The following EYA4 variants were observed in gnomAD, a reference collection of about 807,000 sequenced individuals.
EYA4 encodes protein phosphatase EYA4.
A neutral mutation model predicts 87.9 loss-of-function variants in EYA4; 31 were observed. That is an observed-to-expected ratio of 0.35 (90% CI 0.27 to 0.48). The LOEUF (loss-of-function observed/expected upper bound fraction) is 0.48. EYA4 is among the 20% of genes least tolerant of loss of function. EYA4 has a pLI of 0.99. For missense variants in EYA4, 678 were observed against 761.4 expected, an observed-to-expected ratio of 0.89 and a Z score of 1.29; for synonymous variants, 263 against 270.6, an observed-to-expected ratio of 0.97 and a Z score of 0.28.
intron 2 of EYA4, among the ~76,000 whole-genome samples, chr6:133,361,163 T>C (rs927003462): frequency 6.6e-6 from 1 of 152,316 alleles, no homozygotes; most frequent in South Asian, 2.1e-4. Context: ...CCATTGTCGT[T>C]GTCACAGACT....
chr6:133,285,778 G>T (rs184870580), intron 2 of EYA4, among the ~76,000 whole-genome samples: 1 of 152,286 alleles, frequency 6.6e-6, no homozygotes, highest in Non-Finnish European at 1.5e-5. Context: ...AAGATGACTT[G>T]CTAATGTATG....
intron 2 of EYA4, among the ~76,000 whole-genome samples, chr6:133,350,471 C>A (rs1783556247): frequency 6.6e-6 from 1 of 151,968 alleles, no homozygotes; most frequent in Non-Finnish European, 1.5e-5. Flanking sequence ...GAGCACAGAC[C>A]AGTTGGCAAG....
At chr6:133,406,406 ACAT>A (rs1487235301) in intron 3 of EYA4, among the ~76,000 whole-genome samples, 1 of 152,356 alleles carries the variant, frequency 6.6e-6, no homozygotes, top group East Asian at 1.9e-4. Context: ...TGCCAACGGC[ACAT>A]CATATGCAAT....
intron 2 of EYA4, among the ~76,000 whole-genome samples, chr6:133,304,436 T>G (rs573516980): frequency 1.8e-4 from 27 of 152,070 alleles, no homozygotes; most frequent in Non-Finnish European, 3.8e-4. Context: ...ATAGGCAAGC[T>G]AGGGAAATAA....
In EYA4 at chr6:133,328,763, A is replaced by G. The variant is rs867971888; in HGVS notation, c.34-53629A>G. Among the ~76,000 whole-genome samples, 60 of 152,286 alleles carry G rather than the reference A, an allele frequency of 3.9e-4. 1 individual carries two copies. Among genetic ancestry groups the G allele is most frequent in the Middle Eastern group, 3.4e-3 (1 of 294 alleles). ...ATAAAGGGTTGTCTCTCCAAACCCA[A>G]TATTGATAAATTTTTAAATCTTGAA... is the stretch of plus-strand genomic sequence containing the variant. On this transcript the variant is annotated intron_variant, in intron 2 of 19. Coordinates refer to ENST00000355286, the MANE Select transcript of EYA4 (RefSeq NM_004100.5).
At chr6:133,439,291 C>T (rs555316704) in intron 3 of EYA4, 2 of 152,168 alleles carry the variant, frequency 1.3e-5, no homozygotes, top group East Asian at 1.9e-4. Context: ...TCATTTATCC[C>T]AGTTTTTCAC....
intron 2 of EYA4, among the ~76,000 whole-genome samples, chr6:133,277,751 T>C (rs1209896086): frequency 6.6e-6 from 1 of 152,190 alleles, no homozygotes; most frequent in Non-Finnish European, 1.5e-5. Flanking sequence ...TTTATGCCAG[T>C]ATTACTCATC....
chr6:133,332,468 T>A (rs918025604), intron 2 of EYA4, among the ~76,000 whole-genome samples: 3 of 152,136 alleles, frequency 2.0e-5, no homozygotes, highest in Non-Finnish European at 4.4e-5. Context: ...TCGGCCTGCA[T>A]ATTCATTGTG....
rs115756400 is a variant in EYA4 at position 133,243,819 on chromosome 6, C to T, written c.-66+2070C>T. Among the ~76,000 whole-genome samples the T allele has an allele frequency of 5.4e-3, 826 of 152,170 alleles. 11 individuals carry two copies. Among genetic ancestry groups the T allele is most frequent in the African/African-American group, 0.018 (766 of 41,530 alleles). On this transcript the variant is annotated intron_variant, in intron 1 of 19. Transcript: ENST00000355286. Reference sequence around the variant, plus strand: ...GACATTTGTGTATTTTTAAAAATAACATTATCCCAAGAAACAAAAAGCAGT... The same window carrying T: ...GACATTTGTGTATTTTTAAAAATAATATTATCCCAAGAAACAAAAAGCAGT...
At chr6:133,525,406 A>G (rs1481107538) in intron 19 of EYA4, 152 bp downstream of exon 19, 22 of 729,958 alleles carry the variant, frequency 3.0e-5, no homozygotes, top group Non-Finnish European at 2.7e-5. Context: ...CTTACATTCA[A>G]ATAAACCATT....
chr6:133,381,440 A>G (rs1786210291), intron 2 of EYA4, among the ~76,000 whole-genome samples: 1 of 152,150 alleles, frequency 6.6e-6, no homozygotes, highest in Non-Finnish European at 1.5e-5. Flanking sequence ...TTTAAGTGGT[A>G]CTGTTCATAT....
intron 2 of EYA4, chr6:133,360,441 GT>G (rs1784370158): frequency 6.6e-6 from 1 of 152,198 alleles, no homozygotes; most frequent in Non-Finnish European, 1.5e-5. Context: ...TGAAAGGGTG[GT>G]AGGAAAAGAG....
At chr6:133,341,955 GA>G (rs1468858387) in intron 2 of EYA4, among the ~76,000 whole-genome samples, 13 of 152,252 alleles carry the variant, frequency 8.5e-5, no homozygotes, top group Admixed American at 7.8e-4. Flanking sequence ...AATTCAGGAT[GA>G]ATTTTATGAC....
intron 5 of EYA4, chr6:133,453,094 C>T (rs1793603222): frequency 1.3e-5 from 2 of 151,896 alleles, no homozygotes; most frequent in African/African-American, 2.4e-5. Flanking sequence ...TTAAGAAAGA[C>T]AAAATATAGC....
intron 3 of EYA4, among the ~76,000 whole-genome samples, chr6:133,427,082 TTAAA>T (rs1790742897): frequency 1.3e-5 from 2 of 152,226 alleles, no homozygotes; most frequent in Admixed American, 6.5e-5. Context: ...ACAATATTTC[TTAAA>T]TAAGTGAATG....
intron 4 of EYA4, among the ~76,000 whole-genome samples, chr6:133,447,445 A>G (rs1179351465): frequency 1.3e-5 from 2 of 152,172 alleles, no homozygotes; most frequent in Non-Finnish European, 2.9e-5. Flanking sequence ...GTGTGTTTGT[A>G]GAGATTATGT....
At chr6:133,414,190 C>T (rs556775725) in intron 3 of EYA4, among the ~76,000 whole-genome samples, 23 of 152,214 alleles carry the variant, frequency 1.5e-4, no homozygotes, top group Admixed American at 3.3e-4. Flanking sequence ...CCTTCTTCTC[C>T]GATCCTCCAT....
chr6:133,408,175 C>T (rs1419020944), intron 3 of EYA4, among the ~76,000 whole-genome samples: 1 of 152,098 alleles, frequency 6.6e-6, no homozygotes, highest in Admixed American at 6.5e-5. Context: ...ACATTTGGCC[C>T]CTTTGCATGG....
Position 133,251,254 on chromosome 6 carries a change from CT to C in EYA4, c.-66+9513del, listed in dbSNP as rs529797663. Reference sequence around the variant, plus strand: ...GCCAATATTTAAGTTTCCTCAGTTGCTTTTTTTTCAGCCGTAAGGTACCAAT... The same window carrying C: ...GCCAATATTTAAGTTTCCTCAGTTGCTTTTTTTCAGCCGTAAGGTACCAAT... On this transcript the variant is annotated intron_variant, in intron 1 of 19. Coordinates refer to ENST00000355286, the MANE Select transcript of EYA4 (RefSeq NM_004100.5). 1.1e-4 allele frequency among the ~76,000 whole-genome samples: 16 copies of C among 151,884 alleles called. No homozygotes were observed. The East Asian group carries it at 2.9e-3, about 28-fold the overall frequency.
Sources: allele counts gnomAD v4.1 joint callset (sites outside exome capture counted in the v4.1 genomes callset), GRCh38; gene constraint gnomAD v4.1.1; transcripts MANE v1.5; gene names NCBI Gene and HGNC (gene_info 2026-07-23, HGNC 2026-07-21).